The following KANK4 variants were observed in gnomAD, a reference collection of about 807,000 sequenced individuals.
KANK4 encodes KN motif and ankyrin repeat domains 4.
KANK4 carries 50 observed loss-of-function variants against 80.8 expected under a neutral mutation model. The ratio of observed to expected loss-of-function variants is 0.62; its 90% CI spans 0.49 to 0.78. KANK4 has a LOEUF of 0.78. KANK4 is among the 30% of genes least tolerant of loss of function. KANK4 has a pLI of 0.00. For missense variants in KANK4, 1,196 were observed against 1,240.1 expected (o/e 0.96, Z 0.53); for synonymous variants, 465 against 506.9 (o/e 0.92, Z 1.11).
intron 7 of KANK4, among the ~76,000 whole-genome samples, chr1:62,257,666 A>G (rs909116501): frequency 6.7e-6 from 1 of 149,392 alleles, no homozygotes; most frequent in African/African-American, 2.5e-5. Flanking sequence ...AGGACACCCC[A>G]GGTTTGAGAG....
intron 1 of KANK4, among the ~76,000 whole-genome samples, chr1:62,285,505 G>T (rs1045469373): frequency 3.3e-5 from 5 of 152,088 alleles, no homozygotes; most frequent in African/African-American, 1.2e-4. Context: ...ACTTAGTCTT[G>T]AAACAAACCT....
At chr1:62,266,500 ACAC>A (rs1672023922) in intron 6 of KANK4, among the ~76,000 whole-genome samples, 1 of 147,096 alleles carries the variant, frequency 6.8e-6, no homozygotes, top group South Asian at 2.2e-4. Context: ...CCTCACACAC[ACAC>A]CACTCACACC....
chr1:62,270,386 CTT>C (rs66601241), intron 4 of KANK4, among the ~76,000 whole-genome samples: 2 of 142,522 alleles, frequency 1.4e-5, no homozygotes, highest in Admixed American at 7.1e-5. Context: ...CTTTGCTTTG[CTT>C]TTTTTTTTTT....
chr1:62,247,428 C>T (rs1264713681), intron 9 of KANK4, 44 bp downstream of exon 9: 5 of 1,582,782 alleles, frequency 3.2e-6, no homozygotes, highest in Non-Finnish European at 4.3e-6. Flanking sequence ...GTATGAGCCA[C>T]CCTGCCCAGC....
At chr1:62,280,481 G>A (rs565192331) in intron 2 of KANK4, among the ~76,000 whole-genome samples, 4 of 152,284 alleles carry the variant, frequency 2.6e-5, no homozygotes, top group Non-Finnish European at 5.9e-5. Context: ...GAAATAAATG[G>A]GAACTGCATT....
rs372238913 is a variant in KANK4, at chr1:62,274,554, G to T, written c.550C>A (p.Pro184Thr). The T allele has an allele frequency of 1.1e-5, 17 of 1,613,920 alleles. No individual in the cohort carries two copies. The highest frequency in any genetic ancestry group is 8.3e-5 in the Admixed American group (5 of 59,996). Reference sequence around the variant, plus strand: ...GGAGGGAGGGCAGGAGGGGCAGGGGGCCCCAGGCTCAGGCCTGGCTCCTCA... The same window carrying T: ...GGAGGGAGGGCAGGAGGGGCAGGGGTCCCCAGGCTCAGGCCTGGCTCCTCA... The part of the protein sequence containing the change: ...ASEEPGLSLG[P>T]PAPPALPPLQ... The change falls in exon 3 of 10, where the codon CCC (proline) becomes ACC (threonine). Residue 184 changes from proline to threonine, a missense_variant. Coordinates refer to ENST00000371153, the MANE Select transcript of KANK4 (RefSeq NM_181712.5).
intron 9 of KANK4, among the ~76,000 whole-genome samples, chr1:62,238,756 AG>A (rs1253843747): frequency 6.6e-6 from 1 of 151,638 alleles, no homozygotes; most frequent in Non-Finnish European, 1.5e-5. Context: ...CAGCCTCCCA[AG>A]TAGCTGGGAT....
At chr1:62,247,827 A>G (rs1162293593) in intron 8 of KANK4, among the ~76,000 whole-genome samples, 155 bp from the exon 9 acceptor site, 1 of 151,848 alleles carries the variant, frequency 6.6e-6, no homozygotes, top group African/African-American at 2.4e-5. Flanking sequence ...TCTGCTTGGC[A>G]AAATTCTACT....
chr1:62,302,181 G>A (rs1029158268), intron 1 of KANK4, among the ~76,000 whole-genome samples: 13 of 152,018 alleles, frequency 8.6e-5, no homozygotes, highest in Non-Finnish European at 1.5e-4. Context: ...GATGGGCTAC[G>A]CTTTGGCTGT....
chr1:62,284,967 T>C (rs1175140342), intron 1 of KANK4, among the ~76,000 whole-genome samples: 3 of 152,168 alleles, frequency 2.0e-5, no homozygotes, highest in African/African-American at 7.2e-5. Flanking sequence ...AAATTGTCTG[T>C]CTTCAAAGGG....
intron 8 of KANK4, 118 bp from the exon 9 acceptor site, chr1:62,247,790 C>T (rs557465711): frequency 4.8e-6 from 4 of 828,970 alleles, no homozygotes; most frequent in East Asian, 5.3e-5. Context: ...TTTGAATCTC[C>T]TGCCCTTGAT....
intron 1 of KANK4, among the ~76,000 whole-genome samples, chr1:62,297,908 C>CT (rs1274105129): frequency 8.5e-5 from 13 of 152,206 alleles, no homozygotes; most frequent in African/African-American, 2.4e-4. Context: ...ATGGAACACT[C>CT]TGTCAAATTT....
intron 1 of KANK4, among the ~76,000 whole-genome samples, chr1:62,309,447 C>A (rs1644480401): frequency 6.6e-6 from 1 of 152,156 alleles, no homozygotes; most frequent in Non-Finnish European, 1.5e-5. Flanking sequence ...CTCAATAAAT[C>A]CTCGACACAC....
intron 1 of KANK4, among the ~76,000 whole-genome samples, chr1:62,304,763 G>A (rs1451666398): frequency 6.6e-6 from 1 of 151,928 alleles, no homozygotes; most frequent in Non-Finnish European, 1.5e-5. Context: ...AATTAAGAAA[G>A]GAGGCAATAT....
Position 62,305,719 on chromosome 1 carries a change from C to T in KANK4, c.-71+13387G>A, listed in dbSNP as rs147526709. Reference sequence around the variant, plus strand: ...TGGCCCTCTGAACCCTCCTGCAACACGGTGAAGGAAGAAAAATCGGGAATC... The same window carrying T: ...TGGCCCTCTGAACCCTCCTGCAACATGGTGAAGGAAGAAAAATCGGGAATC... On this transcript the variant is annotated intron_variant, in intron 1 of 9. Transcript: ENST00000371153. Among the ~76,000 whole-genome samples, 301 of 152,144 alleles carry T rather than the reference C, an allele frequency of 2.0e-3. 3 individuals carry two copies. The highest frequency in any genetic ancestry group is 2.4e-3 in the Non-Finnish European group (162 of 67,992).
intron 7 of KANK4, among the ~76,000 whole-genome samples, chr1:62,254,323 T>G (rs1671697845): frequency 6.6e-6 from 1 of 152,188 alleles, no homozygotes; most frequent in Non-Finnish European, 1.5e-5. Context: ...CTCAGCTCAC[T>G]GCAACTTCTG....
chr1:62,248,547 G>GT (rs11349497), intron 8 of KANK4, among the ~76,000 whole-genome samples: 230 of 136,644 alleles, frequency 1.7e-3, no homozygotes, highest in African/African-American at 3.7e-3. Flanking sequence ...TAGTTTTTTT[G>GT]TTTTTTTTTT....
In KANK4 at chr1:62,304,553, C is replaced by G. The variant is rs149770792; in HGVS notation, c.-71+14553G>C. Among the ~76,000 whole-genome samples, 17 of 152,038 alleles carry G rather than the reference C, an allele frequency of 1.1e-4. No individual in the cohort carries two copies. In the East Asian group the frequency reaches 1.2e-3, roughly 10 times the overall value. On this transcript the variant is annotated intron_variant, in intron 1 of 9. Coordinates refer to ENST00000371153, the MANE Select transcript of KANK4 (RefSeq NM_181712.5). ...GGGCCTTAACTTCCCCAGCTCCTGTCTGCCCCCTCCACTGACCTCAGGTGA... is the reference window on the plus strand; with the variant it reads ...GGGCCTTAACTTCCCCAGCTCCTGTGTGCCCCCTCCACTGACCTCAGGTGA...
chr1:62,298,513 A>G (rs560920586), intron 1 of KANK4, among the ~76,000 whole-genome samples: 2 of 152,320 alleles, frequency 1.3e-5, no homozygotes, highest in Non-Finnish European at 2.9e-5. Context: ...AGCACCAAGT[A>G]GCAAAGTGTG....
Sources: allele counts gnomAD v4.1 joint callset (sites outside exome capture counted in the v4.1 genomes callset), GRCh38; gene constraint gnomAD v4.1.1; transcripts MANE v1.5; gene names NCBI Gene and HGNC (gene_info 2026-07-23, HGNC 2026-07-21).